NUBPL: variants seen among roughly 807,000 people sequenced by gnomAD.
NUBPL encodes the protein iron-sulfur cluster transfer protein NUBPL.
In NUBPL, 31 loss-of-function variants were observed where a neutral mutation model predicts 45.7. That is an observed-to-expected ratio of 0.68 (90% CI 0.51 to 0.92). NUBPL has a LOEUF of 0.92. NUBPL is among the 40% of genes least tolerant of loss of function. The pLI, the probability that NUBPL is intolerant of heterozygous loss-of-function variation, is 0.00. For synonymous variants in NUBPL, 144 were observed against 140.9 expected, an observed-to-expected ratio of 1.02 and a Z score of -0.15; for missense variants, 401 against 398.7, an observed-to-expected ratio of 1.01 and a Z score of -0.05.
intron 6 of NUBPL, 114 bp downstream of exon 6, chr14:31,673,688 T>C: frequency 1.1e-6 from 1 of 885,092 alleles, no homozygotes; most frequent in Non-Finnish European, 1.9e-6. Flanking sequence ...GGGATGAATG[T>C]ATAATGCGTA....
chr14:31,640,181 C>T (rs1187827708), intron 4 of NUBPL, among the ~76,000 whole-genome samples: 1 of 152,204 alleles, frequency 6.6e-6, no homozygotes, highest in Non-Finnish European at 1.5e-5. Context: ...CTGCATCGCT[C>T]ATGCTGGGAG....
Position 31,642,244 on chromosome 14 carries a change from A to T in NUBPL, c.383-31111A>T, listed in dbSNP as rs181250299. ...CCTGTACTTTTGAGTTCTTACATTT[A>T]AAGATCTTTGCCCAGACTAACGTTC... is the stretch of plus-strand genomic sequence containing the variant. On this transcript the variant is annotated intron_variant, in intron 4 of 10. Transcript: ENST00000281081. 3.3e-5 allele frequency among the ~76,000 whole-genome samples: 5 copies of T among 152,256 alleles called. No homozygotes were observed. The East Asian group carries it at 9.6e-4, about 29-fold the overall frequency.
chr14:31,628,150 A>T (rs544216182), intron 4 of NUBPL, among the ~76,000 whole-genome samples: 1 of 152,332 alleles, frequency 6.6e-6, no homozygotes, highest in East Asian at 1.9e-4. Flanking sequence ...CTTTTAAATA[A>T]GTGTGGATTT....
At chr14:31,831,493 C>CATACCATACG (rs1471406628) in intron 8 of NUBPL, among the ~76,000 whole-genome samples, 3 of 151,612 alleles carry the variant, frequency 2.0e-5, no homozygotes, top group African/African-American at 7.3e-5. Flanking sequence ...CATACCATAC[C>CATACCATACG]ATACCATACC....
intron 6 of NUBPL, among the ~76,000 whole-genome samples, chr14:31,710,929 A>AGAGTC (rs750753122): frequency 5.3e-5 from 8 of 152,210 alleles, no homozygotes; most frequent in Non-Finnish European, 8.8e-5. Flanking sequence ...AGAAGGAAAT[A>AGAGTC]GAGTCCTGGA....
chr14:31,696,441 C>G (rs913609563), intron 6 of NUBPL, among the ~76,000 whole-genome samples: 1 of 152,160 alleles, frequency 6.6e-6, no homozygotes, highest in African/African-American at 2.4e-5. Flanking sequence ...TCTCCTTTGT[C>G]AAGGTTATGC....
chr14:31,807,498 G>C (rs542656430), intron 7 of NUBPL, among the ~76,000 whole-genome samples: 28 of 152,052 alleles, frequency 1.8e-4, no homozygotes, highest in Non-Finnish European at 3.5e-4. Context: ...ATTGGCTTAC[G>C]TTCTTTGTAG....
At chr14:31,803,034 T>G (rs2039622371) in intron 7 of NUBPL, among the ~76,000 whole-genome samples, 1 of 152,226 alleles carries the variant, frequency 6.6e-6, no homozygotes, top group African/African-American at 2.4e-5. Flanking sequence ...TATTTTTCCT[T>G]CCATCAGCAG....
chr14:31,713,981 T>C (rs568259655), intron 6 of NUBPL, among the ~76,000 whole-genome samples: 54 of 152,350 alleles, frequency 3.5e-4, no homozygotes, highest in African/African-American at 1.3e-3. Flanking sequence ...TAAACATGCA[T>C]GTGGAAGACA....
At chr14:31,734,314 A>G (rs1258831571) in intron 6 of NUBPL, among the ~76,000 whole-genome samples, 1 of 152,186 alleles carries the variant, frequency 6.6e-6, no homozygotes, top group Non-Finnish European at 1.5e-5. Context: ...ATTCACCCCA[A>G]GGATGACATT....
intron 3 of NUBPL, among the ~76,000 whole-genome samples, chr14:31,594,184 G>A (rs1019151959): frequency 2.6e-5 from 4 of 152,116 alleles, no homozygotes; most frequent in East Asian, 1.9e-4. Flanking sequence ...TTGGGAGGTC[G>A]AGGCAGGAGG....
intron 6 of NUBPL, among the ~76,000 whole-genome samples, chr14:31,675,825 A>T (rs1003647015): frequency 1.3e-5 from 2 of 152,144 alleles, no homozygotes; most frequent in African/African-American, 2.4e-5. Flanking sequence ...TCAGTATATA[A>T]TTCAGTGATT....
rs1295510474 is a variant in NUBPL, at chr14:31,838,298, AAGAG to A, written c.694-8167_694-8164del. On this transcript the variant is annotated intron_variant, in intron 8 of 10. Coordinates refer to ENST00000281081, the MANE Select transcript of NUBPL (RefSeq NM_025152.3). ...ATCCAGCAAAAAAAAAAAAAAAAAA[AAGAG>A]AGAGACATGTACAAAAACATTCACA... Among the ~76,000 whole-genome samples the A allele has an allele frequency of 2.3e-4, 17 of 73,048 alleles. No individual in the cohort carries two copies. In the East Asian group the frequency reaches 0.011, roughly 48 times the overall value. The allele number at this position is 73,048 out of a possible 152,430, so 47.9% of individuals were successfully genotyped here.
rs967930254 is a variant in NUBPL, at chr14:31,745,515, T to C, written c.514-42265T>C. 3.3e-5 allele frequency among the ~76,000 whole-genome samples: 5 copies of C among 152,156 alleles called. No homozygotes were observed. The East Asian group carries it at 9.6e-4, about 29-fold the overall frequency. ...TTCACCGTGCTAGCCAGGATGGTCT[T>C]GATCTCCTGACCTCGTGATCCACCC... is the stretch of plus-strand genomic sequence containing the variant. On this transcript the variant is annotated intron_variant, in intron 6 of 10. Coordinates refer to ENST00000281081, the MANE Select transcript of NUBPL (RefSeq NM_025152.3).
At chr14:31,618,858 C>T (rs140167279) in intron 4 of NUBPL, among the ~76,000 whole-genome samples, 53 of 152,180 alleles carry the variant, frequency 3.5e-4, no homozygotes, top group African/African-American at 1.1e-3. Context: ...TTTTCTGTCT[C>T]GTAGATCTGT....
intron 4 of NUBPL, among the ~76,000 whole-genome samples, chr14:31,605,988 G>A (rs529868985): frequency 2.3e-4 from 23 of 102,176 alleles, no homozygotes; most frequent in South Asian, 6.4e-4. Context: ...TCCTCCTCTC[G>A]TCCTCCCTTC....
At chr14:31,798,347 G>T in intron 7 of NUBPL, among the ~76,000 whole-genome samples, 1 of 128,886 alleles carries the variant, frequency 7.8e-6, no homozygotes, top group African/African-American at 2.8e-5. Context: ...ATATCCATGT[G>T]GTCAGTTGAT....
chr14:31,798,448 T>C (rs1476869764), intron 7 of NUBPL, among the ~76,000 whole-genome samples: 2 of 151,818 alleles, frequency 1.3e-5, no homozygotes. Context: ...CTATATTAAA[T>C]TACTAATGAG....
chr14:31,706,157 C>T, intron 6 of NUBPL, among the ~76,000 whole-genome samples: 1 of 126,114 alleles, frequency 7.9e-6, no homozygotes. Flanking sequence ...TCTCAATCCC[C>T]CCTCTAAACA....
Sources: gnomAD v4.1 joint callset for allele counts (sites outside exome capture counted in the v4.1 genomes callset) on GRCh38, gnomAD v4.1.1 for gene constraint, MANE v1.5 for transcripts, NCBI Gene and HGNC (gene_info 2026-07-23, HGNC 2026-07-21) for gene names.